Variants in NKIRAS2 observed in about 807,000 individuals in gnomAD.
The protein encoded by NKIRAS2 is NF-kappa-B inhibitor-interacting Ras-like protein 2.
Under a neutral mutation model 20.7 loss-of-function variants are expected in NKIRAS2, and 15 were observed. The observed-to-expected ratio is 0.73, with a 90% CI of 0.49 to 1.12. NKIRAS2 has a LOEUF of 1.12. Among genes scored for constraint, NKIRAS2 ranks in the 50% most tolerant of loss-of-function variants. The pLI is 0.00. For missense variants in NKIRAS2, 196 were observed against 249.6 expected (o/e 0.79, Z 1.45); for synonymous variants, 116 against 101.4 (o/e 1.14, Z -0.87).
At chr17:42,022,020 A>C (rs1409832388) in intron 2 of NKIRAS2, 1 of 518,668 alleles carries the variant, frequency 1.9e-6, no homozygotes, top group African/African-American at 1.9e-5. Flanking sequence ...GACCAGCCTA[A>C]CGAACTTGGA....
upstream of NKIRAS2, chr17:42,017,783 G>C: frequency 3.0e-6 from 1 of 330,164 alleles, no homozygotes; most frequent in Non-Finnish European, 5.7e-6. Flanking sequence ...TGGAGTCTGG[G>C]TTGCGTGGGG....
intron 3 of NKIRAS2, among the ~76,000 whole-genome samples, chr17:42,023,452 T>A (rs180824007): frequency 8.5e-5 from 13 of 152,308 alleles, no homozygotes; most frequent in Admixed American, 8.5e-4. Context: ...GAGGGCTAGA[T>A]GGAGGCCAGA....
At chr17:42,021,518 G>C in intron 1 of NKIRAS2, 46 bp from the exon 2 acceptor site, 3 of 1,526,822 alleles carry the variant, frequency 2.0e-6, no homozygotes, top group Non-Finnish European at 2.7e-6. Context: ...CTTCTGTGTT[G>C]ATGCTTTCTT....
Position 42,020,148 on chromosome 17 carries a change from C to G in NKIRAS2, c.-71C>G, listed in dbSNP as rs1303071461. 1 of 152,396 alleles carries G rather than the reference C, an allele frequency of 6.6e-6. No homozygotes were observed. Among genetic ancestry groups the G allele is most frequent in the South Asian group, 2.1e-4 (1 of 4,838 alleles). The allele number at this position is 152,396 out of a possible 1,614,324, so 9.4% of individuals were successfully genotyped here. On this transcript the variant is annotated 5_prime_UTR_variant, in exon 1 of 4. Transcript: ENST00000393885. ...TGGAGCCTTTGCGGCGGCGCTGCCC[C>G]TCCCCTGGTCCCCGCGAGCTCGGAG...
chr17:42,017,929 G>A (rs550979213), upstream of NKIRAS2, among the ~76,000 whole-genome samples: 310 of 152,066 alleles, frequency 2.0e-3, no homozygotes, highest in Non-Finnish European at 3.0e-3. Context: ...TCGTTCTCTG[G>A]AAGCCCTGCC....
At chr17:42,022,846 A>T (rs1162616978) in intron 3 of NKIRAS2, among the ~76,000 whole-genome samples, 3 of 152,114 alleles carry the variant, frequency 2.0e-5, no homozygotes, top group African/African-American at 4.8e-5. Context: ...TTGTGGTTTA[A>T]GGGGTCCCTG....
At chr17:42,023,051 G>A in intron 3 of NKIRAS2, 2 of 324,782 alleles carry the variant, frequency 6.2e-6, no homozygotes, top group South Asian at 2.4e-5. Flanking sequence ...CACCCAGGCT[G>A]GAGTGCAGTG....
upstream of NKIRAS2, among the ~76,000 whole-genome samples, chr17:42,017,917 C>A (rs2052351433): frequency 6.6e-6 from 1 of 152,150 alleles, no homozygotes; most frequent in Admixed American, 6.5e-5. Flanking sequence ...CCCCAGCTTT[C>A]ATCGTTCTCT....
rs1375899602 is a variant in NKIRAS2, at chr17:42,025,417, T to C, written c.*1524T>C. 3 of 152,490 alleles carry C rather than the reference T, an allele frequency of 2.0e-5. No homozygotes were observed. The highest frequency in any genetic ancestry group is 4.4e-5 in the Non-Finnish European group (3 of 68,058). The allele number at this position is 152,490 out of a possible 1,614,324, so 9.4% of individuals were successfully genotyped here. A position where few individuals can be genotyped will look rare whatever the true frequency, so the allele number is the denominator to read the frequency against. ...CCCAGCGGCCTGCAGAGTAAGCTTA[T>C]TACCCACAACTGTGCCCGCTTTGTG... On this transcript the variant is annotated 3_prime_UTR_variant, in exon 4 of 4. Transcript: ENST00000393885.
rs1555653663 is a variant in NKIRAS2 at position 42,023,882 on chromosome 17, T to G, written c.565T>G (p.Leu189Val). Residue 189 changes from leucine (L) to valine (V), a missense_variant, in exon 4 of 4, where the codon TTG (leucine) becomes GTG (valine). Transcript: ENST00000393885. ...CCGGAAGAACAAGGGCAGCGGCTCCTTGGATGGCTGAAGAGCTGCCGTTCC... is the reference window on the plus strand; with the variant it reads ...CCGGAAGAACAAGGGCAGCGGCTCCGTGGATGGCTGAAGAGCTGCCGTTCC... ...LSRKNKGSGS[L>V]DG is the part of the protein sequence containing the mutation. 2 of 1,613,994 alleles carry G rather than the reference T, an allele frequency of 1.2e-6. No homozygotes were observed. The highest frequency in any genetic ancestry group is 2.7e-5 in the African/African-American group (2 of 74,914).
Position 42,024,893 on chromosome 17 carries a change from G to C in NKIRAS2, c.*1000G>C, listed in dbSNP as rs782090126. ...AGAATAACTGGGCTATGAGTCACCA[G>C]CCCACTTTGTGACCCAGCAAGACCT... On this transcript the variant is annotated 3_prime_UTR_variant, in exon 4 of 4. Transcript: ENST00000393885. 8 of 152,608 alleles carry C rather than the reference G, an allele frequency of 5.2e-5. No homozygotes were observed. The highest frequency in any genetic ancestry group is 1.3e-4 in the Admixed American group (2 of 15,286). 9.5% of individuals were successfully genotyped at this position (152,608 alleles called of 1,614,324 possible).
At position 42,022,457 on chromosome 17, in the gene NKIRAS2, G is replaced by T; in HGVS notation, c.153G>T (p.Arg51=). The change falls in exon 3 of 4, where the codon CGG becomes CGT. Residue 51 remains arginine, a synonymous_variant. Coordinates refer to ENST00000393885, the MANE Select transcript of NKIRAS2 (RefSeq NM_017595.6). ...ACGTGGGCTCCATTGAGACAGACCG[G>T]GGGGTGCGAGAGCAGGTGCGTTTCT... The part of the protein sequence containing the change: ...DIYVGSIETD[R]GVREQVRFYD... The T allele has an allele frequency of 6.2e-7, 1 of 1,611,304 alleles. No homozygotes were observed. Among genetic ancestry groups the T allele is most frequent in the East Asian group, 2.2e-5 (1 of 44,758 alleles).
At position 42,022,787 on chromosome 17, in the gene NKIRAS2, A is replaced by G. The variant is rs900392748; in HGVS notation, c.336+147A>G. 2.2e-5 allele frequency: 22 copies of G among 985,220 alleles called. No homozygotes were observed. The African/African-American group carries it at 3.3e-4, about 15-fold the overall frequency. The allele number at this position is 985,220 out of a possible 1,614,324, so 61.0% of individuals were successfully genotyped here. ...GGTGGAGGCCACTGAGGGTATCTTT[A>G]CCCTCAGGATTGGCTGCATGTTGAG... is the stretch of plus-strand genomic sequence containing the variant. On this transcript the variant is annotated intron_variant, in intron 3 of 3. Transcript: ENST00000393885.
At chr17:42,021,121 C>T in intron 1 of NKIRAS2, 1 of 169,586 alleles carries the variant, frequency 5.9e-6, no homozygotes, top group Admixed American at 5.5e-5. Context: ...GCTTAATTCT[C>T]CATGGGGTCA....
Position 42,022,593 on chromosome 17 carries a change from G to A in NKIRAS2, c.289G>A (p.Val97Met), listed in dbSNP as rs1555653334. 6.2e-7 allele frequency: 1 copy of A among 1,614,134 alleles called. No homozygotes were observed. Among genetic ancestry groups the A allele is most frequent in the East Asian group, 2.2e-5 (1 of 44,878 alleles). Residue 97 changes from valine (V) to methionine (M), a missense_variant, in exon 3 of 4, where the codon GTG (valine) becomes ATG (methionine). Coordinates refer to ENST00000393885, the MANE Select transcript of NKIRAS2 (RefSeq NM_017595.6). ...STDSRESFQRVELLKKEIDKS... is the reference protein window; with the variant it reads ...STDSRESFQRMELLKKEIDKS... ...AGATAGCAGAGAGTCTTTTCAGCGT[G>A]TGGAGCTGCTCAAGAAGGAGATTGA...
At position 42,022,614 on chromosome 17, in the gene NKIRAS2, A is replaced by G. The variant is rs2052483762; in HGVS notation, c.310A>G (p.Ile104Val). Residue 104 changes from isoleucine (I) to valine (V), a missense_variant, in exon 3 of 4, where the codon ATT (isoleucine) becomes GTT (valine). By Grantham distance (29) the Ile-to-Val change is conservative. Coordinates refer to ENST00000393885, the MANE Select transcript of NKIRAS2 (RefSeq NM_017595.6). ...GCGTGTGGAGCTGCTCAAGAAGGAG[A>G]TTGACAAATCCAAGGACAAGAAGGA... The part of the protein sequence containing the change: ...FQRVELLKKE[I>V]DKSKDKKEVT... The G allele has an allele frequency of 1.2e-6, 2 of 1,613,594 alleles. No individual in the cohort carries two copies. The highest frequency in any genetic ancestry group is 2.7e-5 in the African/African-American group (2 of 75,010).
rs532346795 is a variant in NKIRAS2, at chr17:42,021,601, C to T, written c.24C>T (p.Val8=). The part of the protein sequence containing the change: MGKSCKV[V]VCGQASVGKT... Reference sequence around the variant, plus strand: ...GCATGGGGAAGAGCTGCAAGGTGGTCGTGTGTGGCCAGGCGTCTGTGGGCA... The same window carrying T: ...GCATGGGGAAGAGCTGCAAGGTGGTTGTGTGTGGCCAGGCGTCTGTGGGCA... The change falls in exon 2 of 4, where the codon GTC becomes GTT. Residue 8 remains valine, a synonymous_variant. Transcript: ENST00000393885. The T allele has an allele frequency of 1.1e-4, 175 of 1,614,024 alleles. No individual in the cohort carries two copies. The highest frequency in any genetic ancestry group is 1.6e-4 in the Middle Eastern group (1 of 6,062).
In NKIRAS2 at chr17:42,023,911, T is replaced by C; in HGVS notation, c.*18T>C. On this transcript the variant is annotated 3_prime_UTR_variant, in exon 4 of 4. Transcript: ENST00000393885. ...ATGGCTGAAGAGCTGCCGTTCCTCT[T>C]TCACGATCCCAGCCCCATTTCAGTG... 3 of 1,612,578 alleles carry C rather than the reference T, an allele frequency of 1.9e-6. No homozygotes were observed. The highest frequency in any genetic ancestry group is 2.5e-6 in the Non-Finnish European group (3 of 1,179,090).
rs2143444930 is a variant in NKIRAS2 at position 42,022,587 on chromosome 17, C to T, written c.283C>T (p.Gln95Ter). The T allele has an allele frequency of 6.2e-7, 1 of 1,614,070 alleles. No individual in the cohort carries two copies. The highest frequency in any genetic ancestry group is 1.6e-4 in the Middle Eastern group (1 of 6,062). The change falls in exon 3 of 4, where the codon CAG becomes TAG. Residue 95 changes from glutamine (Q) to a stop codon, truncating the protein, a stop_gained. Transcript: ENST00000393885. LOFTEE classifies it high-confidence loss of function. ...VYSTDSRESF[Q>*]RVELLKKEID... ...TAGCACAGATAGCAGAGAGTCTTTT[C>T]AGCGTGTGGAGCTGCTCAAGAAGGA...
Sources: gnomAD v4.1 joint callset for allele counts (sites outside exome capture counted in the v4.1 genomes callset) on GRCh38, gnomAD v4.1.1 for gene constraint, MANE v1.5 for transcripts, NCBI Gene and HGNC (gene_info 2026-07-23, HGNC 2026-07-21) for gene names.